SOX6: variants seen among roughly 807,000 people sequenced by gnomAD.
SOX6 encodes transcription factor SOX-6.
A neutral mutation model predicts 97.8 loss-of-function variants in SOX6; 11 were observed. The observed-to-expected ratio is 0.11, with a 90% CI of 0.07 to 0.19. SOX6 has a LOEUF of 0.19. Ranked by LOEUF, SOX6 falls within the 10% of genes least tolerant of loss-of-function variation. The pLI is 1.00. For synonymous variants in SOX6, 360 were observed against 371.4 expected (o/e 0.97, Z 0.35); for missense variants, 810 against 1,039.5 (o/e 0.78, Z 3.04).
chr11:16,132,501 A>AAAGAAAGC (rs1554934079), intron 6 of SOX6, among the ~76,000 whole-genome samples: 1 of 81,194 alleles, frequency 1.2e-5, no homozygotes, highest in East Asian at 2.9e-4. Flanking sequence ...AGAAAGAAAG[A>AAAGAAAGC]AAGAAAGCTT....
intron 15 of SOX6, among the ~76,000 whole-genome samples, chr11:15,978,081 C>T (rs1853544866): frequency 6.6e-6 from 1 of 152,006 alleles, no homozygotes; most frequent in Admixed American, 6.6e-5. Context: ...AGATATCTCT[C>T]CAGCAATTGT....
chr11:16,168,158 C>A (rs1850934460), intron 6 of SOX6, among the ~76,000 whole-genome samples: 1 of 152,132 alleles, frequency 6.6e-6, no homozygotes. Context: ...CAGACTGTTT[C>A]AGCAGTTTTG....
chr11:16,275,488 A>AAAAC (rs917034738), intron 3 of SOX6, among the ~76,000 whole-genome samples: 1 of 145,906 alleles, frequency 6.9e-6, no homozygotes, highest in Admixed American at 7.3e-5. Flanking sequence ...AAAACAAAAC[A>AAAAC]AAAAAACACC....
chr11:16,031,890 T>A (rs1855386166), intron 12 of SOX6, among the ~76,000 whole-genome samples: 1 of 151,680 alleles, frequency 6.6e-6, no homozygotes, highest in African/African-American at 2.4e-5. Flanking sequence ...GGGCGATGCA[T>A]CCACAACCTC....
chr11:16,674,139 G>A (rs977804727), intron 3 of SOX6, among the ~76,000 whole-genome samples: 4 of 143,174 alleles, frequency 2.8e-5, no homozygotes, highest in South Asian at 2.2e-4. Context: ...GCAGTGAGTC[G>A]AGATCGTGCC....
intron 9 of SOX6, among the ~76,000 whole-genome samples, chr11:16,071,414 A>C (rs958673471): frequency 6.6e-6 from 1 of 152,150 alleles, no homozygotes; most frequent in Admixed American, 6.5e-5. Flanking sequence ...AGTGCCCAGA[A>C]GGCAGGGTGG....
intron 4 of SOX6, among the ~76,000 whole-genome samples, chr11:16,563,166 G>T (rs939634756): frequency 5.3e-5 from 8 of 151,918 alleles, no homozygotes; most frequent in Admixed American, 5.2e-4. Flanking sequence ...GAGCAATTAT[G>T]AACCCATTTG....
At chr11:16,636,342 T>A (rs1358425038) in intron 3 of SOX6, among the ~76,000 whole-genome samples, 1 of 152,212 alleles carries the variant, frequency 6.6e-6, no homozygotes, top group East Asian at 1.9e-4. Context: ...GATTTCAGAC[T>A]TGCATGGTGC....
At chr11:16,226,185 T>C (rs1852681895) in intron 4 of SOX6, among the ~76,000 whole-genome samples, 1 of 152,166 alleles carries the variant, frequency 6.6e-6, no homozygotes, top group Non-Finnish European at 1.5e-5. Flanking sequence ...GTTATTTTTC[T>C]AAGCTAAAGA....
intron 3 of SOX6, among the ~76,000 whole-genome samples, chr11:16,687,919 C>T (rs1285649482): frequency 1.3e-5 from 2 of 152,074 alleles, no homozygotes; most frequent in Admixed American, 1.3e-4. Flanking sequence ...ATCTTTGTTT[C>T]TCTATAAATA....
chr11:16,230,151 C>T (rs1455835112), intron 4 of SOX6, among the ~76,000 whole-genome samples: 1 of 151,580 alleles, frequency 6.6e-6, no homozygotes, highest in Non-Finnish European at 1.5e-5. Context: ...TCCTAGTAGA[C>T]TAGAACAATA....
intron 6 of SOX6, among the ~76,000 whole-genome samples, chr11:16,151,737 G>A (rs1282330756): frequency 6.6e-6 from 1 of 152,116 alleles, no homozygotes; most frequent in African/African-American, 2.4e-5. Context: ...ACTATGGCAA[G>A]CTGAAAAATT....
At chr11:16,134,851 T>C (rs757468102) in intron 6 of SOX6, among the ~76,000 whole-genome samples, 1 of 152,166 alleles carries the variant, frequency 6.6e-6, no homozygotes, top group Non-Finnish European at 1.5e-5. Context: ...TACAATGGCC[T>C]CTAAGTGTTC....
Position 16,112,851 on chromosome 11 carries a change from C to A in SOX6, c.778-928G>T, listed in dbSNP as rs141335229. On this transcript the variant is annotated intron_variant, in intron 6 of 15. Coordinates refer to ENST00000683767, the MANE Select transcript of SOX6 (RefSeq NM_001367873.1). ...GAAGGTTTTGTCCTGGCTTTCAGGG[C>A]ACAGTTTTATAGGTTGAATACAGGA... 1.5e-3 allele frequency among the ~76,000 whole-genome samples: 229 copies of A among 152,162 alleles called. 1 individual carries two copies. Among genetic ancestry groups the A allele is most frequent in the African/African-American group, 5.1e-3 (212 of 41,526 alleles).
At chr11:16,075,165 T>C (rs1362138029) in intron 9 of SOX6, among the ~76,000 whole-genome samples, 3 of 152,176 alleles carry the variant, frequency 2.0e-5, no homozygotes, top group Admixed American at 6.5e-5. Context: ...GGTGCTAGAA[T>C]AACTGGCTAT....
rs142649000 is a variant in SOX6 at position 16,527,498 on chromosome 11, G to A, written n.610-51110C>T. On this transcript the variant is annotated intron_variant and non_coding_transcript_variant, in intron 4 of 5. Coordinates refer to the SOX6 transcript ENST00000524520. ...AACATGTCTTAGAAGCCTAACACAT[G>A]TGGTAGGTTGTATTATGTTCCAAAT... Among the ~76,000 whole-genome samples, 1,193 of 152,200 alleles carry A rather than the reference G, an allele frequency of 7.8e-3. 14 individuals are homozygous for A. Among genetic ancestry groups the A allele is most frequent in the African/African-American group, 0.027 (1,139 of 41,564 alleles).
chr11:15,971,617 C>A lies in SOX6; in HGVS notation c.*1192G>T, dbSNP rs766953763. On this transcript the variant is annotated 3_prime_UTR_variant, in exon 16 of 16. Transcript: ENST00000683767. ...AAGACTATATACCTATATCCCAATA[C>A]ACAGCCCTGCAGCCAGATACATACT... 7 of 152,514 alleles carry A rather than the reference C, an allele frequency of 4.6e-5. No individual in the cohort carries two copies. Among genetic ancestry groups the A allele is most frequent in the Non-Finnish European group, 8.8e-5 (6 of 68,030 alleles). The allele number at this position is 152,514 out of a possible 1,614,324, so 9.4% of individuals were successfully genotyped here. A position where few individuals can be genotyped will look rare whatever the true frequency, so the allele number is the denominator to read the frequency against.
At chr11:16,131,982 T>C (rs1849751502) in intron 6 of SOX6, among the ~76,000 whole-genome samples, 1 of 151,794 alleles carries the variant, frequency 6.6e-6, no homozygotes, top group African/African-American at 2.4e-5. Flanking sequence ...CTATACAACT[T>C]CCAGAATTCA....
At chr11:16,452,739 T>A (rs1277804515) in intron 1 of SOX6, among the ~76,000 whole-genome samples, 2 of 152,120 alleles carry the variant, frequency 1.3e-5, no homozygotes, top group Admixed American at 1.3e-4. Context: ...TACATAGTCA[T>A]GAGGCACAGG....
Sources: gnomAD v4.1 joint callset for allele counts (sites outside exome capture counted in the v4.1 genomes callset) on GRCh38, gnomAD v4.1.1 for gene constraint, MANE v1.5 for transcripts, NCBI Gene and HGNC (gene_info 2026-07-23, HGNC 2026-07-21) for gene names.